Variants in NUP62CL observed in about 807,000 individuals in gnomAD.
NUP62CL encodes nucleoporin 62 C-terminal like.
A neutral mutation model predicts 15.3 loss-of-function variants in NUP62CL; 13 were observed. That is an observed-to-expected ratio of 0.85 (90% CI 0.55 to 1.35). The LOEUF (loss-of-function observed/expected upper bound fraction) is 1.35. Ranked by LOEUF, NUP62CL falls within the 40% of genes most tolerant of loss-of-function variation. The pLI is 0.00. For synonymous variants in NUP62CL, 54 were observed against 49.2 expected (o/e 1.10, Z -0.41); for missense variants, 123 against 130.6 (o/e 0.94, Z 0.28).
chrX:107,175,871 T>C (rs1245221840), intron 2 of NUP62CL, among the ~76,000 whole-genome samples: 1 of 111,319 alleles, frequency 9.0e-6, no homozygotes, highest in Non-Finnish European at 1.9e-5. Flanking sequence ...CTGTTCAGTA[T>C]AGCCAAGAGT....
chrX:107,155,385 A>C (rs1293325523), intron 4 of NUP62CL, among the ~76,000 whole-genome samples: 1 of 112,521 alleles, frequency 8.9e-6, no homozygotes, highest in African/African-American at 3.2e-5. Context: ...GCAGCAACTA[A>C]GCAGTGTGAG....
At chrX:107,201,753 C>G (rs746640112) in intron 1 of NUP62CL, among the ~76,000 whole-genome samples, 6 of 108,869 alleles carry the variant, frequency 5.5e-5, no homozygotes, top group Non-Finnish European at 9.5e-5. Context: ...CATAGTGAGA[C>G]CTTGTCTCTA....
At chrX:107,182,746 C>T (rs1926949667) in intron 2 of NUP62CL, among the ~76,000 whole-genome samples, 1 of 110,772 alleles carries the variant, frequency 9.0e-6, no homozygotes, top group African/African-American at 3.3e-5. Context: ...TAACAAAACA[C>T]AATGGTTCAA....
chrX:107,158,427 A>C (rs1228861675), intron 4 of NUP62CL, among the ~76,000 whole-genome samples: 1 of 80,740 alleles, frequency 1.2e-5, no homozygotes, highest in Non-Finnish European at 2.1e-5. Context: ...ATAACAAACT[A>C]TCTCTCAGAC....
chrX:107,156,415 G>C (rs1466207710), intron 4 of NUP62CL, among the ~76,000 whole-genome samples: 4 of 103,922 alleles, frequency 3.8e-5, no homozygotes, highest in Non-Finnish European at 7.9e-5. Context: ...GGTTCTCCCA[G>C]CACGCAGCTG....
chrX:107,183,554 G>A (rs984672948), intron 2 of NUP62CL, among the ~76,000 whole-genome samples: 3 of 111,901 alleles, frequency 2.7e-5, no homozygotes. Flanking sequence ...GAACAATATG[G>A]TGGTGAGTTC....
chrX:107,128,566 A>G (rs935126103), intron 8 of NUP62CL, among the ~76,000 whole-genome samples: 5 of 112,117 alleles, frequency 4.5e-5, no homozygotes, highest in Non-Finnish European at 9.4e-5. Flanking sequence ...CTGCAATATT[A>G]TATGATAAAT....
At chrX:107,189,397 GA>G (rs995913251) in intron 2 of NUP62CL, among the ~76,000 whole-genome samples, 4 of 110,606 alleles carry the variant, frequency 3.6e-5, no homozygotes, top group Admixed American at 2.9e-4. Flanking sequence ...CCAAAAAGTA[GA>G]AAAAATACAA....
intron 2 of NUP62CL, 77 bp downstream of exon 2, chrX:107,192,952 A>G (rs1927278639): frequency 8.9e-6 from 1 of 111,739 alleles, no homozygotes; most frequent in Non-Finnish European, 1.9e-5. Flanking sequence ...TAACCCTCCT[A>G]TACCAGATGT....
intron 2 of NUP62CL, among the ~76,000 whole-genome samples, chrX:107,186,303 A>G (rs534381456): frequency 6.3e-5 from 7 of 111,917 alleles, no homozygotes; most frequent in South Asian, 3.7e-4. Flanking sequence ...GGGTATATTT[A>G]ATATATTAAA....
intron 4 of NUP62CL, among the ~76,000 whole-genome samples, chrX:107,166,743 A>G (rs1276134766): frequency 1.8e-5 from 2 of 111,698 alleles, no homozygotes; most frequent in Non-Finnish European, 3.8e-5. Flanking sequence ...TCAGAAATAA[A>G]AAAGAACAAA....
chrX:107,196,219 A>C (rs1038911259), intron 1 of NUP62CL, among the ~76,000 whole-genome samples: 4 of 112,103 alleles, frequency 3.6e-5, no homozygotes, highest in Admixed American at 2.8e-4. Context: ...TTTTGGACTA[A>C]AAGTACATTT....
chrX:107,136,793 G>A (rs1406220625), intron 8 of NUP62CL, among the ~76,000 whole-genome samples: 2 of 112,538 alleles, frequency 1.8e-5, no homozygotes, highest in African/African-American at 6.5e-5. Context: ...TAGGCTGGGC[G>A]TGGTGGCTCA....
intron 8 of NUP62CL, chrX:107,131,714 T>A: frequency 7.7e-6 from 6 of 775,847 alleles, no homozygotes; most frequent in Non-Finnish European, 1.2e-5. Flanking sequence ...AGTGGAATTA[T>A]CAGGAATTAT....
chrX:107,151,391 CAT>C (rs1926006833), intron 7 of NUP62CL, among the ~76,000 whole-genome samples: 1 of 111,108 alleles, frequency 9.0e-6, no homozygotes. Flanking sequence ...AATAAAACCT[CAT>C]ATAAATATAC....
At chrX:107,131,647 C>T (rs1363823999) in intron 8 of NUP62CL, 1 of 572,661 alleles carries the variant, frequency 1.7e-6, no homozygotes, top group Non-Finnish European at 3.0e-6. Context: ...AGGCCGCGGC[C>T]GACTAGCGGG....
intron 2 of NUP62CL, among the ~76,000 whole-genome samples, chrX:107,190,356 A>G (rs1319205460): frequency 8.9e-6 from 1 of 112,398 alleles, no homozygotes; most frequent in Non-Finnish European, 1.9e-5. Flanking sequence ...AAGAAAAACA[A>G]TCAACAGATT....
intron 4 of NUP62CL, among the ~76,000 whole-genome samples, chrX:107,160,612 C>T (rs1311250541): frequency 9.0e-6 from 1 of 111,194 alleles, no homozygotes; most frequent in African/African-American, 3.3e-5. Flanking sequence ...CTTCCTTACA[C>T]CTTATACAAA....
chrX:107,160,697 T>A lies in NUP62CL; in HGVS notation c.195-6451A>T, dbSNP rs755732977. The stretch of plus-strand genomic sequence containing the variant: ...AAAACCCTAGAAGGAAACCTAGGCA[T>A]TACCATTCAGGACATAGGCGTGGGC... On this transcript the variant is annotated intron_variant, in intron 4 of 8. Transcript: ENST00000372466. Among the ~76,000 whole-genome samples the A allele has an allele frequency of 1.2e-4, 13 of 110,605 alleles. No homozygotes were observed. In the South Asian group the frequency reaches 5.0e-3, roughly 43 times the overall value.
Sources: allele counts gnomAD v4.1 joint callset (sites outside exome capture counted in the v4.1 genomes callset), GRCh38; gene constraint gnomAD v4.1.1; transcripts MANE v1.5; gene names NCBI Gene and HGNC (gene_info 2026-07-23, HGNC 2026-07-21).